Variants in AGAP1 observed in about 807,000 individuals in gnomAD.
The protein encoded by AGAP1 is arf-GAP with GTPase, ANK repeat and PH domain-containing protein 1.
A neutral mutation model predicts 105.3 loss-of-function variants in AGAP1; 29 were observed. That is an observed-to-expected ratio of 0.28 (90% CI 0.21 to 0.38). AGAP1 has a LOEUF of 0.38. Ranked by LOEUF, AGAP1 falls within the 10% of genes least tolerant of loss-of-function variation. The pLI is 1.00. For missense variants in AGAP1, 998 were observed against 1,165.1 expected (o/e 0.86, Z 2.09); for synonymous variants, 509 against 485.9 (o/e 1.05, Z -0.63).
intron 16 of AGAP1, among the ~76,000 whole-genome samples, chr2:236,070,490 C>T (rs1452646059): frequency 6.6e-6 from 1 of 152,212 alleles, no homozygotes; most frequent in Admixed American, 6.5e-5. Flanking sequence ...GAAACTTGCA[C>T]ATAAATGTTC....
At position 235,585,212 on chromosome 2, in the gene AGAP1, C is replaced by A. The variant is rs1945068534; in HGVS notation, c.163+90363C>A. 2.6e-5 allele frequency among the ~76,000 whole-genome samples: 4 copies of A among 152,156 alleles called. No individual in the cohort carries two copies. The South Asian group carries it at 8.3e-4, about 32-fold the overall frequency. On this transcript the variant is annotated intron_variant, in intron 1 of 17. Coordinates refer to ENST00000304032, the MANE Select transcript of AGAP1 (RefSeq NM_001037131.3). ...GGAAGCTCAGAAGCTCCAAATGGGT[C>A]TTACGGGCCTAAAATCAAAGGCTGT...
chr2:235,546,376 G>A (rs538646734), intron 1 of AGAP1, among the ~76,000 whole-genome samples: 1 of 152,162 alleles, frequency 6.6e-6, no homozygotes, highest in East Asian at 1.9e-4. Flanking sequence ...GAGGCAGAAG[G>A]GACAAGAAAA....
intron 15 of AGAP1, among the ~76,000 whole-genome samples, chr2:236,048,563 G>A (rs980479329): frequency 2.6e-5 from 4 of 152,188 alleles, no homozygotes; most frequent in Non-Finnish European, 5.9e-5. Flanking sequence ...TTGCAAGCAT[G>A]CCCGTTGTGT....
At position 235,733,321 on chromosome 2, in the gene AGAP1, C is replaced by T. The variant is rs546446248; in HGVS notation, c.311-7642C>T. On this transcript the variant is annotated intron_variant, in intron 3 of 17. Coordinates refer to ENST00000304032, the MANE Select transcript of AGAP1 (RefSeq NM_001037131.3). The surrounding 1 kb of genome is among the most constrained non-coding windows in gnomAD (Gnocchi z 5.0). ...TCAGGAGACGAAAAAGATGAGGCCA[C>T]GGCTGCCCCTTCTGTTTCTTCCCTG... 1.4e-4 allele frequency among the ~76,000 whole-genome samples: 21 copies of T among 152,176 alleles called. No homozygotes were observed. Among genetic ancestry groups the T allele is most frequent in the Non-Finnish European group, 2.2e-4 (15 of 68,036 alleles).
At chr2:236,072,057 T>C (rs754868121) in intron 16 of AGAP1, among the ~76,000 whole-genome samples, 20 of 152,018 alleles carry the variant, frequency 1.3e-4, no homozygotes, top group Non-Finnish European at 2.4e-4. Flanking sequence ...TATCCTGTGG[T>C]TTTTCAATTC....
At chr2:236,122,013 A>T in intron 17 of AGAP1, among the ~76,000 whole-genome samples, 1 of 145,094 alleles carries the variant, frequency 6.9e-6, no homozygotes. Flanking sequence ...GTGCAGTGGC[A>T]CAATCATAGC....
chr2:235,684,960 C>T (rs1203794597), intron 1 of AGAP1, among the ~76,000 whole-genome samples: 1 of 152,110 alleles, frequency 6.6e-6, no homozygotes, highest in African/African-American at 2.4e-5. Flanking sequence ...TTGTGAAGCC[C>T]TTGTTCTTGG....
At position 235,930,486 on chromosome 2, in the gene AGAP1, G is replaced by A. The variant is rs1364681298; in HGVS notation, c.1325-279G>A. Reference sequence around the variant, plus strand: ...ACTTCCACTCGATGTTGCGGTTGCGGTTGGGTTGCGTCTTTGTATAGGGTT... The same window carrying A: ...ACTTCCACTCGATGTTGCGGTTGCGATTGGGTTGCGTCTTTGTATAGGGTT... On this transcript the variant is annotated intron_variant, in intron 11 of 17. Transcript: ENST00000304032. The surrounding 1 kb of genome is among the most constrained non-coding windows in gnomAD (Gnocchi z 7.9). Among the ~76,000 whole-genome samples the A allele has an allele frequency of 6.6e-6, 1 of 152,206 alleles. No individual in the cohort carries two copies. Among genetic ancestry groups the A allele is most frequent in the African/African-American group, 2.4e-5 (1 of 41,458 alleles).
At position 235,927,674 on chromosome 2, in the gene AGAP1, C is replaced by A. The variant is rs553909608; in HGVS notation, c.1325-3091C>A. 6.6e-6 allele frequency among the ~76,000 whole-genome samples: 1 copy of A among 152,138 alleles called. No individual in the cohort carries two copies. The highest frequency in any genetic ancestry group is 1.5e-5 in the Non-Finnish European group (1 of 68,026). On this transcript the variant is annotated intron_variant, in intron 11 of 17. Transcript: ENST00000304032. The surrounding 1 kb of genome is among the most constrained non-coding windows in gnomAD (Gnocchi z 4.4). Reference sequence around the variant, plus strand: ...GATACTTACTTCTGGAGCTTTATTGCAAGTAGTCAGTGATGGATGCACTGA... The same window carrying A: ...GATACTTACTTCTGGAGCTTTATTGAAAGTAGTCAGTGATGGATGCACTGA...
At chr2:235,669,388 C>T (rs1024967414) in intron 1 of AGAP1, among the ~76,000 whole-genome samples, 1 of 152,132 alleles carries the variant, frequency 6.6e-6, no homozygotes, top group Non-Finnish European at 1.5e-5. Context: ...GGCCAAGCCC[C>T]AGAGTGGGCG....
chr2:235,719,679 A>G lies in AGAP1; in HGVS notation c.310+2035A>G, dbSNP rs1271422165. Among the ~76,000 whole-genome samples, 3 of 152,214 alleles carry G rather than the reference A, an allele frequency of 2.0e-5. No homozygotes were observed. Among genetic ancestry groups the G allele is most frequent in the African/African-American group, 7.2e-5 (3 of 41,450 alleles). Reference sequence around the variant, plus strand: ...TAGCTCATCCCCTCCATGGGGCCCCATGCCCAAGGCTTCCTGGGTCAGGGG... The same window carrying G: ...TAGCTCATCCCCTCCATGGGGCCCCGTGCCCAAGGCTTCCTGGGTCAGGGG... On this transcript the variant is annotated intron_variant, in intron 3 of 17. Coordinates refer to ENST00000304032, the MANE Select transcript of AGAP1 (RefSeq NM_001037131.3). The surrounding 1 kb of genome is among the most constrained non-coding windows in gnomAD (Gnocchi z 4.9).
Position 235,830,838 on chromosome 2 carries a change from G to A in AGAP1, c.1050+23507G>A, listed in dbSNP as rs1046383214. Among the ~76,000 whole-genome samples, 1 of 152,098 alleles carries A rather than the reference G, an allele frequency of 6.6e-6. No homozygotes were observed. Among genetic ancestry groups the A allele is most frequent in the African/African-American group, 2.4e-5 (1 of 41,420 alleles). On this transcript the variant is annotated intron_variant, in intron 9 of 17. Coordinates refer to ENST00000304032, the MANE Select transcript of AGAP1 (RefSeq NM_001037131.3). The surrounding 1 kb of genome is among the most constrained non-coding windows in gnomAD (Gnocchi z 5.5). ...CTCATTCTTCTCAGGTCCACCTGTCGGTAGGCCCAGTAGTCAACTCCTAAC... is the reference window on the plus strand; with the variant it reads ...CTCATTCTTCTCAGGTCCACCTGTCAGTAGGCCCAGTAGTCAACTCCTAAC...
rs371219492 is a variant in AGAP1, at chr2:235,549,840, C to T, written c.163+54991C>T. Among the ~76,000 whole-genome samples, 2 of 152,150 alleles carry T rather than the reference C, an allele frequency of 1.3e-5. No homozygotes were observed. The highest frequency in any genetic ancestry group is 4.8e-5 in the African/African-American group (2 of 41,448). ...GCATCTCACCGCGGCCTAACATCCC[C>T]GGGAGCATGGGGATTAGTGGAGTGA... On this transcript the variant is annotated intron_variant, in intron 1 of 17. Coordinates refer to ENST00000304032, the MANE Select transcript of AGAP1 (RefSeq NM_001037131.3). The surrounding 1 kb of genome is among the most constrained non-coding windows in gnomAD (Gnocchi z 4.2).
At chr2:235,766,986 T>A (rs1161279407) in intron 6 of AGAP1, among the ~76,000 whole-genome samples, 1 of 150,194 alleles carries the variant, frequency 6.7e-6, no homozygotes, top group Non-Finnish European at 1.5e-5. Flanking sequence ...TGATCTTGGC[T>A]CACTGCAACC....
rs942296510 is a variant in AGAP1, at chr2:235,611,078, A to G, written c.164-98101A>G. ...CCCCATAGCCGAGTCAGCTCCCTGG[A>G]TGGGCTAGTGTGTTGACCTTCCACT... On this transcript the variant is annotated intron_variant, in intron 1 of 17. Transcript: ENST00000304032. The surrounding 1 kb of genome is among the most constrained non-coding windows in gnomAD (Gnocchi z 5.0). Among the ~76,000 whole-genome samples, 7 of 152,250 alleles carry G rather than the reference A, an allele frequency of 4.6e-5. No individual in the cohort carries two copies. Among genetic ancestry groups the G allele is most frequent in the Middle Eastern group, 6.8e-3 (2 of 294 alleles).
In AGAP1 at chr2:235,559,752, TA is replaced by T. The variant is rs979448441; in HGVS notation, c.163+64906del. ...CTAATGGTGTTGACCTTTTTTTTTT[TA>T]AATATGCTTATCTTAAAGCATATTT... On this transcript the variant is annotated intron_variant, in intron 1 of 17. Coordinates refer to ENST00000304032, the MANE Select transcript of AGAP1 (RefSeq NM_001037131.3). This position sits in a 1 kb window ranked among gnomAD's most constrained non-coding sequence, Gnocchi z 5.7. Among the ~76,000 whole-genome samples, 1 of 152,032 alleles carries T rather than the reference TA, an allele frequency of 6.6e-6. No individual in the cohort carries two copies. Among genetic ancestry groups the T allele is most frequent in the Non-Finnish European group, 1.5e-5 (1 of 68,018 alleles).
At chr2:235,695,261 G>C (rs773824640) in intron 1 of AGAP1, among the ~76,000 whole-genome samples, 7 of 152,158 alleles carry the variant, frequency 4.6e-5, no homozygotes, top group Non-Finnish European at 7.3e-5. Flanking sequence ...TAGAGGTGTA[G>C]AAAGGAACTA....
At chr2:235,521,355 A>C (rs1252642632) in intron 1 of AGAP1, among the ~76,000 whole-genome samples, 2 of 152,214 alleles carry the variant, frequency 1.3e-5, no homozygotes, top group African/African-American at 4.8e-5. Context: ...GTGTGGAACC[A>C]ATGTCACATC....
At chr2:236,015,459 C>A (rs757669480) in intron 13 of AGAP1, among the ~76,000 whole-genome samples, 1 of 152,152 alleles carries the variant, frequency 6.6e-6, no homozygotes, top group South Asian at 2.1e-4. Flanking sequence ...AATTGACTTG[C>A]GTTGCTTTTT....
Sources: allele counts gnomAD v4.1 joint callset (sites outside exome capture counted in the v4.1 genomes callset), GRCh38; gene constraint gnomAD v4.1.1; non-coding constraint Gnocchi (gnomAD v3.1); transcripts MANE v1.5; gene names NCBI Gene and HGNC (gene_info 2026-07-23, HGNC 2026-07-21).